NTM: variants seen among roughly 807,000 people sequenced by gnomAD.
NTM encodes neurotrimin.
NTM carries 13 observed loss-of-function variants against 42.1 expected under a neutral mutation model. That is an observed-to-expected ratio of 0.31 (90% CI 0.20 to 0.49). The LOEUF is 0.49. Ranked by LOEUF, NTM falls within the 20% of genes least tolerant of loss-of-function variation. NTM has a pLI of 0.99. For missense variants in NTM, 373 were observed against 452.8 expected, an observed-to-expected ratio of 0.82 and a Z score of 1.60; for synonymous variants, 187 against 179.2, an observed-to-expected ratio of 1.04 and a Z score of -0.35.
chr11:131,890,924 C>T (rs2051228320), intron 1 of NTM, among the ~76,000 whole-genome samples: 1 of 152,152 alleles, frequency 6.6e-6, no homozygotes. Context: ...TTTCTGTCCT[C>T]ATTCTGGGCA....
chr11:131,432,843 T>A (rs1170640020), intron 1 of NTM, among the ~76,000 whole-genome samples: 2 of 8,066 alleles, frequency 2.5e-4, no homozygotes, highest in Non-Finnish European at 3.2e-4. Flanking sequence ...AGCATTCTTT[T>A]TTTTTTTTTT....
rs751931754 is a variant in NTM, at chr11:132,146,245, T to C, written c.168-37T>C. 1 of 1,610,122 alleles carries C rather than the reference T, an allele frequency of 6.2e-7. No homozygotes were observed. On this transcript the variant is annotated intron_variant, in intron 2 of 8. Coordinates refer to ENST00000683400, the MANE Select transcript of NTM (RefSeq NM_001352005.2). The surrounding 1 kb of genome is among the most constrained non-coding windows in gnomAD (Gnocchi z 4.5). The stretch of plus-strand genomic sequence containing the variant: ...TCCCTCTGATGGCTGCTGTCGTCTC[T>C]CAGTCCCTTGACGTACCTGTCTGGT...
At chr11:132,129,875 C>T (rs996048434) in intron 2 of NTM, among the ~76,000 whole-genome samples, 2 of 152,164 alleles carry the variant, frequency 1.3e-5, no homozygotes, top group Non-Finnish European at 2.9e-5. Context: ...AATTCTCTTC[C>T]CCTTTTTCAT....
chr11:132,268,689 T>TGA (rs1311018512), intron 4 of NTM, among the ~76,000 whole-genome samples: 41 of 151,734 alleles, frequency 2.7e-4, no homozygotes, highest in African/African-American at 9.4e-4. Context: ...TGTGTGTGTG[T>TGA]GTGTGTGTGT....
chr11:131,581,219 A>T (rs1477606932), intron 1 of NTM, among the ~76,000 whole-genome samples: 1 of 152,240 alleles, frequency 6.6e-6, no homozygotes, highest in Admixed American at 6.5e-5. Flanking sequence ...GGTTGCTGGC[A>T]GTCTTCCTGG....
intron 1 of NTM, among the ~76,000 whole-genome samples, chr11:131,411,540 CGTGTGTGTGTGTGTGTGTGTGTGTGTGT>C (rs5795724): frequency 7.7e-6 from 1 of 129,718 alleles, no homozygotes; most frequent in Non-Finnish European, 1.6e-5. Context: ...TAGGGGGGGC[CGTGTGTGTGTGTGTGTGTGTGTGTGTGT>C]GTGTGTGTGT....
chr11:131,762,430 G>A (rs368681210), intron 1 of NTM, among the ~76,000 whole-genome samples: 3 of 152,374 alleles, frequency 2.0e-5, no homozygotes, highest in South Asian at 4.1e-4. Flanking sequence ...AGTTCTACAT[G>A]TTCTTCATCC....
intron 6 of NTM, among the ~76,000 whole-genome samples, chr11:132,310,545 C>A (rs1307104905): frequency 6.6e-6 from 1 of 152,100 alleles, no homozygotes; most frequent in Admixed American, 6.6e-5. Flanking sequence ...AGGCCAAGAA[C>A]ATAATGTGTT....
At chr11:132,258,970 A>C (rs570770121) in intron 4 of NTM, among the ~76,000 whole-genome samples, 1 of 152,172 alleles carries the variant, frequency 6.6e-6, no homozygotes, top group Admixed American at 6.5e-5. Flanking sequence ...GTTTAATTCC[A>C]TAAGTTTCCT....
At chr11:131,502,443 C>T (rs1054212401) in intron 1 of NTM, among the ~76,000 whole-genome samples, 1 of 152,014 alleles carries the variant, frequency 6.6e-6, no homozygotes, top group African/African-American at 2.4e-5. Flanking sequence ...CAAAACTGAC[C>T]AAGACCTGGA....
chr11:131,393,371 C>T (rs898094619), intron 1 of NTM, among the ~76,000 whole-genome samples: 1 of 152,306 alleles, frequency 6.6e-6, no homozygotes, highest in South Asian at 2.1e-4. Flanking sequence ...TTTACTAATC[C>T]TAAACCACAA....
intron 1 of NTM, among the ~76,000 whole-genome samples, chr11:131,531,115 G>A (rs2051211006): frequency 6.6e-6 from 1 of 152,206 alleles, no homozygotes; most frequent in African/African-American, 2.4e-5. Flanking sequence ...ACAAGACCAA[G>A]GCTCCACTGC....
intron 3 of NTM, among the ~76,000 whole-genome samples, chr11:132,201,085 A>G (rs930286194): frequency 6.6e-6 from 1 of 152,194 alleles, no homozygotes; most frequent in Non-Finnish European, 1.5e-5. Flanking sequence ...TTTTGCAGAC[A>G]AATGACCCCT....
intron 2 of NTM, among the ~76,000 whole-genome samples, chr11:132,105,796 C>T (rs183528137): frequency 4.6e-5 from 7 of 152,326 alleles, no homozygotes; most frequent in Admixed American, 3.9e-4. Flanking sequence ...CAGACATTGG[C>T]TTGAGGTCCA....
chr11:132,225,080 C>T (rs556537748), intron 4 of NTM, among the ~76,000 whole-genome samples: 11 of 152,228 alleles, frequency 7.2e-5, no homozygotes, highest in African/African-American at 2.4e-4. Context: ...TCAGATTGAA[C>T]AGAAATGATA....
At chr11:131,414,039 C>A (rs1440978911) in intron 1 of NTM, among the ~76,000 whole-genome samples, 1 of 152,170 alleles carries the variant, frequency 6.6e-6, no homozygotes, top group East Asian at 1.9e-4. Flanking sequence ...TGCAACTGAA[C>A]CTCAATTCAT....
chr11:132,321,157 C>T (rs754382460), intron 7 of NTM, among the ~76,000 whole-genome samples: 1 of 152,216 alleles, frequency 6.6e-6, no homozygotes, highest in African/African-American at 2.4e-5. Flanking sequence ...TCACCAGCAA[C>T]TGAACAAAGC....
chr11:131,417,440 A>C (rs1235490101), intron 1 of NTM, among the ~76,000 whole-genome samples: 1 of 152,128 alleles, frequency 6.6e-6, no homozygotes, highest in East Asian at 1.9e-4. Context: ...GGAACTGGAG[A>C]GATAAGTTAA....
chr11:132,030,753 G>A (rs1477392698), intron 2 of NTM, among the ~76,000 whole-genome samples: 3 of 152,228 alleles, frequency 2.0e-5, no homozygotes, highest in African/African-American at 7.2e-5. Flanking sequence ...AAAAGCAGGA[G>A]TGAGAGTGAG....
Sources: allele counts gnomAD v4.1 joint callset (sites outside exome capture counted in the v4.1 genomes callset), GRCh38; gene constraint gnomAD v4.1.1; non-coding constraint Gnocchi (gnomAD v3.1); transcripts MANE v1.5; gene names NCBI Gene and HGNC (gene_info 2026-07-23, HGNC 2026-07-21).